Variants in EPHB1 observed in about 807,000 individuals in gnomAD.
EPHB1 encodes the protein ephrin type-B receptor 1.
Under a neutral mutation model 94.4 loss-of-function variants are expected in EPHB1, and 30 were observed. The ratio of observed to expected loss-of-function variants is 0.32; its 90% CI spans 0.24 to 0.43. The LOEUF (loss-of-function observed/expected upper bound fraction) is 0.43. Among genes scored for constraint, EPHB1 ranks in the 20% least tolerant of loss-of-function variants. The probability of loss-of-function intolerance (pLI) is 1.00; values close to 1 mark genes in which losing one functional copy is unlikely to be tolerated. For synonymous variants in EPHB1, 522 were observed against 489.1 expected, an observed-to-expected ratio of 1.07 and a Z score of -0.89; for missense variants, 1,055 against 1,308.3, an observed-to-expected ratio of 0.81 and a Z score of 2.99.
At chr3:135,249,256 A>C (rs1932962766) in intron 14 of EPHB1, 80 bp from the exon 15 acceptor site, 12 of 1,482,730 alleles carry the variant, frequency 8.1e-6, no homozygotes, top group Non-Finnish European at 9.9e-6. Flanking sequence ...CCTTCCATGA[A>C]GTCAGCTGTC....
chr3:135,005,728 C>T (rs1202242151), intron 3 of EPHB1, among the ~76,000 whole-genome samples: 1 of 152,184 alleles, frequency 6.6e-6, no homozygotes, highest in Non-Finnish European at 1.5e-5. Context: ...TTTCCAGGTG[C>T]CGTCCATCAC....
intron 4 of EPHB1, among the ~76,000 whole-genome samples, chr3:135,112,123 G>C (rs1027481488): frequency 6.6e-6 from 1 of 152,224 alleles, no homozygotes; most frequent in Non-Finnish European, 1.5e-5. Context: ...GGCTGAAGGA[G>C]AAACTGAAAC....
intron 12 of EPHB1, among the ~76,000 whole-genome samples, chr3:135,206,801 AT>A (rs1942913545): frequency 6.6e-6 from 1 of 152,130 alleles, no homozygotes; most frequent in Non-Finnish European, 1.5e-5. Context: ...GAGAGCCAAG[AT>A]TGCGCCATTG....
intron 3 of EPHB1, among the ~76,000 whole-genome samples, chr3:135,079,380 T>C (rs1938077316): frequency 1.3e-5 from 2 of 152,198 alleles, no homozygotes; most frequent in South Asian, 4.1e-4. Flanking sequence ...TTTATCCAAT[T>C]GAGGCCCATA....
At chr3:134,962,945 C>G (rs946634271) in intron 3 of EPHB1, among the ~76,000 whole-genome samples, 12 of 152,210 alleles carry the variant, frequency 7.9e-5, no homozygotes, top group African/African-American at 2.7e-4. Context: ...CAGGTCTTGT[C>G]TCTGCCAGGG....
At chr3:135,043,901 C>T (rs534648740) in intron 3 of EPHB1, among the ~76,000 whole-genome samples, 89 of 152,302 alleles carry the variant, frequency 5.8e-4, no homozygotes, top group South Asian at 2.7e-3. Flanking sequence ...ATGTTGGCCT[C>T]TCAGTGATCT....
chr3:134,862,705 C>A (rs551251931), intron 1 of EPHB1, among the ~76,000 whole-genome samples: 2 of 152,004 alleles, frequency 1.3e-5, no homozygotes, highest in South Asian at 2.1e-4. Context: ...TTGCCGTGGC[C>A]ATTGGTGTTT....
intron 1 of EPHB1, among the ~76,000 whole-genome samples, chr3:134,829,448 A>C (rs1228591900): frequency 6.6e-6 from 1 of 151,830 alleles, no homozygotes; most frequent in Non-Finnish European, 1.5e-5. Flanking sequence ...GGCTTTTAGA[A>C]CCCTGCGTCT....
chr3:134,922,525 T>C (rs1454584336), intron 1 of EPHB1, among the ~76,000 whole-genome samples: 1 of 152,234 alleles, frequency 6.6e-6, no homozygotes, highest in African/African-American at 2.4e-5. Context: ...TCATGACTAA[T>C]ATGAAGTCTT....
chr3:134,989,561 G>A (rs1934720375), intron 3 of EPHB1, among the ~76,000 whole-genome samples: 1 of 151,940 alleles, frequency 6.6e-6, no homozygotes, highest in Middle Eastern at 3.4e-3. Context: ...AACTACTATT[G>A]TTAAATTTAG....
At chr3:134,798,833 T>C (rs2035881370) in intron 1 of EPHB1, among the ~76,000 whole-genome samples, 1 of 152,216 alleles carries the variant, frequency 6.6e-6, no homozygotes, top group Non-Finnish European at 1.5e-5. Context: ...TTGGCCCTCC[T>C]GGGAGGCAGC....
intron 3 of EPHB1, among the ~76,000 whole-genome samples, chr3:135,039,082 C>G (rs1056100607): frequency 6.6e-6 from 1 of 152,164 alleles, no homozygotes; most frequent in African/African-American, 2.4e-5. Context: ...TACAGAGTGT[C>G]GATTGGTGCA....
intron 3 of EPHB1, among the ~76,000 whole-genome samples, chr3:135,083,991 A>C (rs943484736): frequency 4.6e-5 from 7 of 152,042 alleles, no homozygotes; most frequent in African/African-American, 1.4e-4. Flanking sequence ...TGAAATCGCT[A>C]CTGAGGCAGT....
intron 2 of EPHB1, among the ~76,000 whole-genome samples, chr3:134,928,269 C>T (rs1444228467): frequency 6.6e-6 from 1 of 152,218 alleles, no homozygotes; most frequent in Non-Finnish European, 1.5e-5. Flanking sequence ...CAGGGATACG[C>T]TCTCTGCATC....
At chr3:134,972,783 G>A (rs1934028949) in intron 3 of EPHB1, among the ~76,000 whole-genome samples, 1 of 152,104 alleles carries the variant, frequency 6.6e-6, no homozygotes, top group Non-Finnish European at 1.5e-5. Flanking sequence ...TTGAAGTTGT[G>A]GATGGACTTC....
At chr3:135,136,115 TA>T (rs1940611041) in intron 5 of EPHB1, among the ~76,000 whole-genome samples, 1 of 152,222 alleles carries the variant, frequency 6.6e-6, no homozygotes, top group Non-Finnish European at 1.5e-5. Context: ...TGTTCTGTCC[TA>T]AAAGTGGACA....
intron 1 of EPHB1, among the ~76,000 whole-genome samples, chr3:134,870,521 T>C (rs2037477732): frequency 6.6e-6 from 1 of 152,202 alleles, no homozygotes; most frequent in African/African-American, 2.4e-5. Flanking sequence ...ACTGATTCTT[T>C]TCCCAGGGAC....
chr3:135,185,546 T>A (rs1397774760), intron 10 of EPHB1, among the ~76,000 whole-genome samples: 1 of 152,362 alleles, frequency 6.6e-6, no homozygotes, highest in Non-Finnish European at 1.5e-5. Context: ...AGCATATATA[T>A]CTGTATGCAT....
At chr3:135,206,439 A>T (rs1942902658) in intron 12 of EPHB1, among the ~76,000 whole-genome samples, 1 of 152,196 alleles carries the variant, frequency 6.6e-6, no homozygotes, top group Non-Finnish European at 1.5e-5. Flanking sequence ...CTATGTTTTG[A>T]TTCTCAATTC....
Sources: allele counts gnomAD v4.1 joint callset (sites outside exome capture counted in the v4.1 genomes callset), GRCh38; gene constraint gnomAD v4.1.1; transcripts MANE v1.5; gene names NCBI Gene and HGNC (gene_info 2026-07-23, HGNC 2026-07-21).